The following NGEF variants were observed in gnomAD, a reference collection of about 807,000 sequenced individuals.
The protein encoded by NGEF is neuronal guanine nucleotide exchange factor.
A neutral mutation model predicts 80.9 loss-of-function variants in NGEF; 31 were observed. The ratio of observed to expected loss-of-function variants is 0.38; its 90% CI spans 0.29 to 0.52. The LOEUF is 0.52. NGEF is among the 20% of genes least tolerant of loss of function. The pLI is 0.84. For missense variants in NGEF, 709 were observed against 926.2 expected, an observed-to-expected ratio of 0.77 and a Z score of 3.04; for synonymous variants, 371 against 370.2, an observed-to-expected ratio of 1.00 and a Z score of -0.03.
At chr2:232,933,111 A>AAAATAACT (rs1553551287) in intron 3 of NGEF, among the ~76,000 whole-genome samples, 10 of 140,078 alleles carry the variant, frequency 7.1e-5, no homozygotes, top group Admixed American at 6.5e-4. Context: ...CTCCATCTCA[A>AAAATAACT]AAATAAATAA....
intron 1 of NGEF, among the ~76,000 whole-genome samples, chr2:233,009,116 T>A (rs1212331847): frequency 6.6e-6 from 1 of 152,158 alleles, no homozygotes. Flanking sequence ...AATTTTTAAG[T>A]GTGCAGTTCA....
intron 4 of NGEF, among the ~76,000 whole-genome samples, chr2:232,921,091 CCT>C (rs1216208239): frequency 6.6e-6 from 1 of 152,122 alleles, no homozygotes; most frequent in Non-Finnish European, 1.5e-5. Context: ...GGAAACATTC[CCT>C]TTTTTGCTTT....
intron 3 of NGEF, among the ~76,000 whole-genome samples, chr2:232,951,119 G>A (rs576184127): frequency 1.4e-4 from 21 of 152,272 alleles, no homozygotes; most frequent in Non-Finnish European, 2.6e-4. Flanking sequence ...GACAACCAGT[G>A]CCACTGCCCC....
At chr2:232,890,751 C>T (rs937009077) in intron 8 of NGEF, among the ~76,000 whole-genome samples, 3 of 152,156 alleles carry the variant, frequency 2.0e-5, no homozygotes, top group Admixed American at 6.5e-5. Context: ...ACCCCTTCCC[C>T]GTTTCCGTCA....
At chr2:232,927,944 G>A (rs1693115156) in intron 3 of NGEF, 1 of 1,345,622 alleles carries the variant, frequency 7.4e-7, no homozygotes, top group Admixed American at 3.1e-5. Context: ...TTCCGAGGTG[G>A]AACTGTCGTG....
intron 3 of NGEF, among the ~76,000 whole-genome samples, chr2:232,954,740 A>AG (rs970294506): frequency 3.3e-5 from 5 of 151,524 alleles, no homozygotes; most frequent in Admixed American, 6.6e-5. Context: ...AAAAAAAAAA[A>AG]AAAGAGAGGA....
intron 9 of NGEF, among the ~76,000 whole-genome samples, chr2:232,887,566 C>A (rs1691731443): frequency 6.6e-6 from 1 of 152,088 alleles, no homozygotes; most frequent in Non-Finnish European, 1.5e-5. Flanking sequence ...AAGTGGGAAC[C>A]AGCCTCGGTG....
chr2:232,934,689 C>T (rs558811570), intron 3 of NGEF, among the ~76,000 whole-genome samples: 6 of 152,172 alleles, frequency 3.9e-5, no homozygotes, highest in Admixed American at 6.5e-5. Flanking sequence ...CTGACTAGCA[C>T]GTAGTAGGTG....
At chr2:232,879,738 A>T (rs1691428683) in intron 14 of NGEF, 59 bp from the exon 15 acceptor site, 1 of 1,532,022 alleles carries the variant, frequency 6.5e-7, no homozygotes, top group Non-Finnish European at 8.9e-7. Flanking sequence ...GGCTGCACAG[A>T]GGCTCCCTCC....
At position 232,879,283 on chromosome 2, in the gene NGEF, A is replaced by C. The variant is rs1286344616; in HGVS notation, c.*206T>G. 1 of 544,408 alleles carries C rather than the reference A, an allele frequency of 1.8e-6. No individual in the cohort carries two copies. Among genetic ancestry groups the C allele is most frequent in the Non-Finnish European group, 3.3e-6 (1 of 306,476 alleles). 33.7% of individuals were successfully genotyped at this position (544,408 alleles called of 1,614,324 possible). A position where few individuals can be genotyped will look rare whatever the true frequency, so the allele number is the denominator to read the frequency against. On this transcript the variant is annotated 3_prime_UTR_variant, in exon 15 of 15. Coordinates refer to ENST00000264051, the MANE Select transcript of NGEF (RefSeq NM_019850.3). ...TTCTTGTTTACAAATGCATCAGGAGAGGCTTGGGCACCCTTTATCCAGTTT... is the reference window on the plus strand; with the variant it reads ...TTCTTGTTTACAAATGCATCAGGAGCGGCTTGGGCACCCTTTATCCAGTTT...
At chr2:232,928,228 G>C (rs932665866) in intron 3 of NGEF, 6 of 959,090 alleles carry the variant, frequency 6.3e-6, no homozygotes, top group Non-Finnish European at 7.4e-6. Context: ...CGCGCGCGGC[G>C]GGGGCGAGGC....
chr2:232,982,368 A>G (rs1694449255), intron 1 of NGEF, among the ~76,000 whole-genome samples: 1 of 152,178 alleles, frequency 6.6e-6, no homozygotes, highest in Admixed American at 6.5e-5. Flanking sequence ...GGGGGCAGGA[A>G]GATGGGGCTT....
At chr2:232,998,055 C>G (rs1279444796) in intron 1 of NGEF, among the ~76,000 whole-genome samples, 1 of 152,212 alleles carries the variant, frequency 6.6e-6, no homozygotes, top group Non-Finnish European at 1.5e-5. Context: ...AGAAGAGCAG[C>G]AGGGACCCAG....
chr2:232,981,938 G>A (rs1181944192), intron 1 of NGEF, among the ~76,000 whole-genome samples: 4 of 152,176 alleles, frequency 2.6e-5, no homozygotes, highest in Admixed American at 2.6e-4. Context: ...AGACAGGCCT[G>A]GCCTCCTTGG....
In NGEF at chr2:232,879,691, G is replaced by T; in HGVS notation, c.1943-12C>A. The stretch of plus-strand genomic sequence containing the variant: ...GCCAAAGATCCACCCTGTGCAGGGA[G>T]GGGAGGGAGAGAAGGTCAGTGCTCC... On this transcript the variant is annotated splice_polypyrimidine_tract_variant and intron_variant, in intron 14 of 14. Coordinates refer to ENST00000264051, the MANE Select transcript of NGEF (RefSeq NM_019850.3). The T allele has an allele frequency of 1.2e-6, 2 of 1,603,418 alleles. No individual in the cohort carries two copies. The highest frequency in any genetic ancestry group is 1.7e-6 in the Non-Finnish European group (2 of 1,171,972).
chr2:232,955,662 G>A (rs1183555322), intron 3 of NGEF, among the ~76,000 whole-genome samples: 1 of 152,186 alleles, frequency 6.6e-6, no homozygotes, highest in Non-Finnish European at 1.5e-5. Context: ...GGGATTACAG[G>A]CATGTGCCAC....
At chr2:232,885,185 TA>T in intron 10 of NGEF, 94 bp downstream of exon 10, 1 of 1,179,520 alleles carries the variant, frequency 8.5e-7, no homozygotes, top group Non-Finnish European at 1.2e-6. Context: ...ACCAAGGACC[TA>T]AGCAAGGCCA....
intron 1 of NGEF, among the ~76,000 whole-genome samples, chr2:232,981,933 G>A (rs1476486383): frequency 6.6e-6 from 1 of 152,210 alleles, no homozygotes; most frequent in Non-Finnish European, 1.5e-5. Context: ...CAGTGAGACA[G>A]GCCTGGCCTC....
chr2:232,885,484 C>T, intron 9 of NGEF, 115 bp from the exon 10 acceptor site: 4 of 819,106 alleles, frequency 4.9e-6, no homozygotes, highest in Non-Finnish European at 6.1e-6. Context: ...GACACTGTGC[C>T]CACAGCTGAG....
Sources: gnomAD v4.1 joint callset for allele counts (sites outside exome capture counted in the v4.1 genomes callset) on GRCh38, gnomAD v4.1.1 for gene constraint, MANE v1.5 for transcripts, NCBI Gene and HGNC (gene_info 2026-07-23, HGNC 2026-07-21) for gene names.